Variants in DEPDC4 observed in about 807,000 individuals in gnomAD.
The protein encoded by DEPDC4 is DEP domain-containing protein 4.
In DEPDC4, 52 loss-of-function variants were observed where a neutral mutation model predicts 52.0. The ratio of observed to expected loss-of-function variants is 1.00; its 90% CI spans 0.80 to 1.26. The LOEUF (loss-of-function observed/expected upper bound fraction) is 1.26, where lower values mean the gene tolerates loss of function less well. DEPDC4 is among the 50% of genes most tolerant of loss of function. The pLI, the probability that DEPDC4 is intolerant of heterozygous loss-of-function variation, is 0.00. For synonymous variants in DEPDC4, 201 were observed against 196.8 expected, an observed-to-expected ratio of 1.02 and a Z score of -0.18; for missense variants, 530 against 546.9, an observed-to-expected ratio of 0.97 and a Z score of 0.31.
chr12:100,276,589 T>C, the DEPDC4 span, among the ~76,000 whole-genome samples: 7 of 152,182 alleles, frequency 4.6e-5, no homozygotes, highest in African/African-American at 1.7e-4. Flanking sequence ...CCTCCTGCTT[T>C]AGTGTCCCAG....
At chr12:100,239,540 C>A (rs2096150544), downstream of DEPDC4, among the ~76,000 whole-genome samples, 1 of 152,094 alleles carries the variant, frequency 6.6e-6, no homozygotes, top group South Asian at 2.1e-4. Context: ...CTCTGCCCAG[C>A]AATTAAAATT....
At chr12:100,279,371 C>T in the DEPDC4 span, among the ~76,000 whole-genome samples, 2 of 152,240 alleles carry the variant, frequency 1.3e-5, no homozygotes, top group African/African-American at 2.4e-5. Flanking sequence ...CGCTCACCTC[C>T]TGCTCTGCAG....
chr12:100,236,687 T>A (rs941233810), downstream of DEPDC4, among the ~76,000 whole-genome samples: 4 of 152,206 alleles, frequency 2.6e-5, no homozygotes, highest in African/African-American at 9.6e-5. Flanking sequence ...TTTGTTTAAT[T>A]AAGTCCCACC....
intron 7 of DEPDC4, among the ~76,000 whole-genome samples, chr12:100,250,514 C>G (rs995748174): frequency 6.6e-6 from 1 of 152,116 alleles, no homozygotes; most frequent in African/African-American, 2.4e-5. Context: ...GCCACTGCAC[C>G]TGGCCTGAAC....
intron 9 of DEPDC4, among the ~76,000 whole-genome samples, chr12:100,232,934 T>C (rs1403207929): frequency 6.6e-6 from 1 of 151,926 alleles, no homozygotes; most frequent in Non-Finnish European, 1.5e-5. Flanking sequence ...GAAACAGGCC[T>C]GGCGGGTGAG....
chr12:100,258,321 G>T (rs1427244654), intron 3 of DEPDC4, among the ~76,000 whole-genome samples: 1 of 152,040 alleles, frequency 6.6e-6, no homozygotes, highest in Non-Finnish European at 1.5e-5. Context: ...TGAACAATAA[G>T]AGAGAAAAAT....
chr12:100,276,207 C>G, the DEPDC4 span, among the ~76,000 whole-genome samples: 2 of 151,930 alleles, frequency 1.3e-5, no homozygotes. Context: ...TTTGTGTAGA[C>G]TTGGTATGAT....
At chr12:100,244,095 GTATATATATATATATATATATATATA>G (rs774444544) in intron 8 of DEPDC4, among the ~76,000 whole-genome samples, 3 of 51,626 alleles carry the variant, frequency 5.8e-5, no homozygotes, top group African/African-American at 1.8e-4. Context: ...CTCTCTCTGT[GTATATATATATATATATATATATATA>G]TATATATATA....
chr12:100,249,834 C>A (rs190275728), intron 7 of DEPDC4, among the ~76,000 whole-genome samples: 50 of 152,120 alleles, frequency 3.3e-4, no homozygotes, highest in African/African-American at 1.1e-3. Context: ...ATCAAGTTCC[C>A]GAATTTATGG....
chr12:100,267,273 G>A (rs1469115591), upstream of DEPDC4: 1 of 596,472 alleles, frequency 1.7e-6, no homozygotes, highest in African/African-American at 1.9e-5. Flanking sequence ...GGGCGGCGGA[G>A]GATATGGAGT....
chr12:100,266,900 G>C lies in DEPDC4; in HGVS notation c.157+20C>G, dbSNP rs964575217. The C allele has an allele frequency of 6.2e-7, 1 of 1,607,946 alleles. No individual in the cohort carries two copies. Among genetic ancestry groups the C allele is most frequent in the Non-Finnish European group, 8.5e-7 (1 of 1,176,646 alleles). On this transcript the variant is annotated intron_variant, in intron 1 of 9. Transcript: ENST00000550587. ...CCCCTCCACCTTCACTGCACATTTGGCTAGGATATACAGGGCTACCTGTCC... is the reference window on the plus strand; with the variant it reads ...CCCCTCCACCTTCACTGCACATTTGCCTAGGATATACAGGGCTACCTGTCC...
At chr12:100,231,984 T>C (rs2096135443) in intron 9 of DEPDC4, among the ~76,000 whole-genome samples, 1 of 152,134 alleles carries the variant, frequency 6.6e-6, no homozygotes, top group Non-Finnish European at 1.5e-5. Context: ...GTCTCATATA[T>C]TCATTTTTAA....
chr12:100,281,019 G>GTTTTTTTTTTTTTTTTTTTT, the DEPDC4 span, among the ~76,000 whole-genome samples: 1 of 50,492 alleles, frequency 2.0e-5, no homozygotes, highest in African/African-American at 6.9e-5. Flanking sequence ...TACCATCAGT[G>GTTTTTTTTTTTTTTTTTTTT]TTTTTTTTTT....
chr12:100,274,611 G>A, the DEPDC4 span, among the ~76,000 whole-genome samples: 5 of 152,098 alleles, frequency 3.3e-5, 1 homozygote, highest in Admixed American at 2.0e-4. Flanking sequence ...TCTACAGATT[G>A]CATCCCCCTC....
the DEPDC4 span, among the ~76,000 whole-genome samples, chr12:100,276,383 A>G: frequency 6.6e-6 from 1 of 152,086 alleles, no homozygotes; most frequent in African/African-American, 2.4e-5. Flanking sequence ...CGCAGGCCAG[A>G]GGAGAGTGGC....
rs972277727 is a variant in DEPDC4, at chr12:100,240,359, G to T, written c.*1533C>A. Among the ~76,000 whole-genome samples, 11 of 151,978 alleles carry T rather than the reference G, an allele frequency of 7.2e-5. No homozygotes were observed. Among genetic ancestry groups the T allele is most frequent in the Admixed American group, 7.2e-4 (11 of 15,234 alleles). ...TAGTTTTTGTAGAGATAGGGGCAGG[G>T]TCTCACTATTACTCAGGCTGGTCTT... On this transcript the variant is annotated 3_prime_UTR_variant, in exon 10 of 10. Coordinates refer to ENST00000550587, the MANE Select transcript of DEPDC4 (RefSeq NM_001364818.2).
the DEPDC4 span, among the ~76,000 whole-genome samples, chr12:100,274,430 T>A: frequency 6.6e-6 from 1 of 152,346 alleles, no homozygotes; most frequent in Non-Finnish European, 1.5e-5. Flanking sequence ...AATGTGTTCC[T>A]ATATATCTCT....
In DEPDC4 at chr12:100,241,749, C is replaced by G; in HGVS notation, c.*143G>C. 2 of 1,277,260 alleles carry G rather than the reference C, an allele frequency of 1.6e-6. No homozygotes were observed. Among genetic ancestry groups the G allele is most frequent in the South Asian group, 2.5e-5 (2 of 78,804 alleles). The allele number at this position is 1,277,260 out of a possible 1,614,324, so 79.1% of individuals were successfully genotyped here. A position where few individuals can be genotyped will look rare whatever the true frequency, so the allele number is the denominator to read the frequency against. Reference sequence around the variant, plus strand: ...TCGTTTCAGAGAGATGCTGGGGTTACTATTAATCTCAAGAGCCAACTGGTG... The same window carrying G: ...TCGTTTCAGAGAGATGCTGGGGTTAGTATTAATCTCAAGAGCCAACTGGTG... On this transcript the variant is annotated 3_prime_UTR_variant, in exon 10 of 10. Transcript: ENST00000550587.
At chr12:100,254,428 C>G (rs1342460908) in intron 4 of DEPDC4, among the ~76,000 whole-genome samples, 2 of 145,318 alleles carry the variant, frequency 1.4e-5, no homozygotes, top group Admixed American at 1.4e-4. Context: ...TGGGCTCAAG[C>G]AATCCTCTCA....
Sources: gnomAD v4.1 joint callset for allele counts (sites outside exome capture counted in the v4.1 genomes callset) on GRCh38, gnomAD v4.1.1 for gene constraint, MANE v1.5 for transcripts, NCBI Gene and HGNC (gene_info 2026-07-23, HGNC 2026-07-21) for gene names.